Variants in ZNF521 observed in about 807,000 individuals in gnomAD.
ZNF521 encodes zinc finger protein 521.
In ZNF521, 14 loss-of-function variants were observed where a neutral mutation model predicts 105.5. That is an observed-to-expected ratio of 0.13 (90% CI 0.09 to 0.21). The LOEUF is 0.21. ZNF521 is among the 10% of genes least tolerant of loss of function. The pLI is 1.00. For missense variants in ZNF521, 1,233 were observed against 1,629.7 expected, an observed-to-expected ratio of 0.76 and a Z score of 4.19; for synonymous variants, 635 against 606.0, an observed-to-expected ratio of 1.05 and a Z score of -0.70.
chr18:25,180,857 C>A (rs2035620323), intron 5 of ZNF521, among the ~76,000 whole-genome samples: 1 of 152,170 alleles, frequency 6.6e-6, no homozygotes, highest in South Asian at 2.1e-4. Flanking sequence ...ACAACAACAA[C>A]AACAACAGCA....
intron 2 of ZNF521, among the ~76,000 whole-genome samples, chr18:25,322,975 T>C (rs1007058634): frequency 6.6e-6 from 1 of 151,820 alleles, no homozygotes; most frequent in African/African-American, 2.4e-5. Flanking sequence ...CAGGGAGAGA[T>C]GTGGGGGTGC....
chr18:25,304,765 C>A (rs960641674), intron 3 of ZNF521, among the ~76,000 whole-genome samples: 8 of 152,182 alleles, frequency 5.3e-5, no homozygotes, highest in Admixed American at 1.3e-4. Context: ...CCACTCCCTT[C>A]TTTGAAGAGT....
rs181310617 is a variant in ZNF521, at chr18:25,069,863, T to G, written c.3907-7122A>C. Among the ~76,000 whole-genome samples the G allele has an allele frequency of 3.9e-5, 6 of 152,352 alleles. No homozygotes were observed. The East Asian group carries it at 1.2e-3, about 29-fold the overall frequency. ...AATGGCATTTCCAAATTGTCATGTA[T>G]GCTTTTGCCCCTCTCTTTAATGCCA... On this transcript the variant is annotated intron_variant, in intron 7 of 7. Transcript: ENST00000361524.
At chr18:25,313,759 T>C (rs928189565) in intron 3 of ZNF521, among the ~76,000 whole-genome samples, 3 of 152,240 alleles carry the variant, frequency 2.0e-5, no homozygotes, top group Non-Finnish European at 2.9e-5. Context: ...ATGTATGTAA[T>C]GTATTAGTAA....
intron 5 of ZNF521, among the ~76,000 whole-genome samples, chr18:25,185,088 C>A (rs1368927466): frequency 6.6e-6 from 1 of 152,116 alleles, no homozygotes; most frequent in Non-Finnish European, 1.5e-5. Flanking sequence ...AAATACAAAT[C>A]TTTTCTTTAA....
chr18:25,308,666 G>A (rs1026126333), intron 3 of ZNF521, among the ~76,000 whole-genome samples: 5 of 74,666 alleles, frequency 6.7e-5, no homozygotes, highest in South Asian at 5.8e-4. Context: ...CCCCCCACCC[G>A]CCACAGCCCC....
rs368854459 is a variant in ZNF521 at position 25,195,193 on chromosome 18, C to T, written c.3625G>A (p.Asp1209Asn). 1.3e-6 allele frequency: 2 copies of T among 1,599,528 alleles called. No individual in the cohort carries two copies. Among genetic ancestry groups the T allele is most frequent in the African/African-American group, 2.7e-5 (2 of 73,574 alleles). ...KCQMVFYNEW[D>N]IQVHVANHMI... is the part of the protein sequence containing the mutation. ...TGATTTGCAACATGAACCTGAATAT[C>T]CCATTCATTGTAGAAAACCATCTGA... Residue 1209 changes from aspartate to asparagine, a missense_variant, in exon 5 of 8, where the codon GAT becomes AAT. By Grantham distance (23) the Asp-to-Asn change is conservative. This residue lies in a region of ZNF521 where 76 missense variants were observed against 137.2 expected (regional missense o/e 0.55). Coordinates refer to ENST00000361524, the MANE Select transcript of ZNF521 (RefSeq NM_015461.3).
intron 3 of ZNF521, among the ~76,000 whole-genome samples, chr18:25,251,257 T>C (rs978266315): frequency 1.3e-5 from 2 of 152,190 alleles, no homozygotes; most frequent in Non-Finnish European, 2.9e-5. Context: ...CTCATTTCTA[T>C]TTGCCAAACT....
chr18:25,192,130 C>T (rs1385111359), intron 5 of ZNF521, among the ~76,000 whole-genome samples: 2 of 152,010 alleles, frequency 1.3e-5, no homozygotes, highest in African/African-American at 2.4e-5. Context: ...GAAAAGAAAC[C>T]CCTGAATAGT....
chr18:25,237,206 A>G (rs1475414468), intron 3 of ZNF521, among the ~76,000 whole-genome samples: 9 of 152,170 alleles, frequency 5.9e-5, no homozygotes, highest in African/African-American at 2.2e-4. Context: ...GCTTTTATCC[A>G]CAGTTGACTA....
chr18:25,112,989 G>A (rs909083142), intron 5 of ZNF521, among the ~76,000 whole-genome samples: 21 of 146,846 alleles, frequency 1.4e-4, no homozygotes, highest in Admixed American at 6.2e-4. Flanking sequence ...TTTTGTACCC[G>A]CCTGCCTGTA....
At chr18:25,203,790 T>C (rs923309466) in intron 4 of ZNF521, among the ~76,000 whole-genome samples, 1 of 152,206 alleles carries the variant, frequency 6.6e-6, no homozygotes, top group Non-Finnish European at 1.5e-5. Context: ...GCAATTTTTA[T>C]AGTACCAGGG....
chr18:25,250,017 C>A (rs1417983296), intron 3 of ZNF521, among the ~76,000 whole-genome samples: 1 of 152,166 alleles, frequency 6.6e-6, no homozygotes, highest in Non-Finnish European at 1.5e-5. Flanking sequence ...CGGCTAACTG[C>A]AAACTCCACC....
chr18:25,309,302 T>C (rs1018610431), intron 3 of ZNF521, among the ~76,000 whole-genome samples: 9 of 152,172 alleles, frequency 5.9e-5, no homozygotes, highest in Admixed American at 1.3e-4. Context: ...TAAGAAATGA[T>C]TGAGGTTAGA....
intron 5 of ZNF521, among the ~76,000 whole-genome samples, chr18:25,161,929 A>C (rs1452015396): frequency 6.6e-6 from 1 of 152,172 alleles, no homozygotes; most frequent in Non-Finnish European, 1.5e-5. Context: ...GGCGGGTTAC[A>C]ACATGACAAG....
At chr18:25,299,370 A>G (rs1341106597) in intron 3 of ZNF521, among the ~76,000 whole-genome samples, 2 of 152,208 alleles carry the variant, frequency 1.3e-5, no homozygotes, top group African/African-American at 4.8e-5. Flanking sequence ...CTAAGACAAA[A>G]ATTCTCCACA....
At chr18:25,259,790 C>A (rs1026461415) in intron 3 of ZNF521, among the ~76,000 whole-genome samples, 1 of 152,102 alleles carries the variant, frequency 6.6e-6, no homozygotes, top group Non-Finnish European at 1.5e-5. Flanking sequence ...AGAATGTGGT[C>A]GTGGACGCAC....
chr18:25,203,713 A>G (rs550836076), intron 4 of ZNF521, among the ~76,000 whole-genome samples: 8 of 152,344 alleles, frequency 5.3e-5, no homozygotes, highest in Non-Finnish European at 1.0e-4. Context: ...CTTCTGGCCA[A>G]CTGACTAGAC....
Position 25,312,550 on chromosome 18 carries a change from C to T in ZNF521, c.220+9458G>A, listed in dbSNP as rs1227011020. On this transcript the variant is annotated intron_variant, in intron 3 of 7. Coordinates refer to ENST00000361524, the MANE Select transcript of ZNF521 (RefSeq NM_015461.3). The stretch of plus-strand genomic sequence containing the variant: ...GAACCAGGCCGGGCGCGGTGGCTCA[C>T]GCCTGTAATCCCAGCACTTTGGGAG... Among the ~76,000 whole-genome samples the T allele has an allele frequency of 8.2e-5, 3 of 36,788 alleles. 1 individual carries two copies. The highest frequency in any genetic ancestry group is 1.0e-3 in the East Asian group (2 of 1,936). The allele number at this position is 36,788 out of a possible 152,430, so 24.1% of individuals were successfully genotyped here.
Sources: allele counts gnomAD v4.1 joint callset (sites outside exome capture counted in the v4.1 genomes callset), GRCh38; gene constraint gnomAD v4.1.1; regional missense constraint gnomAD v4.1.1; transcripts MANE v1.5; gene names NCBI Gene and HGNC (gene_info 2026-07-23, HGNC 2026-07-21).